The following PAPSS2 variants were observed in gnomAD, a reference collection of about 807,000 sequenced individuals.
PAPSS2 encodes the protein 3'-phosphoadenosine 5'-phosphosulfate synthase 2, also known as bifunctional 3'-phosphoadenosine 5'-phosphosulfate synthase 2.
Under a neutral mutation model 66.5 loss-of-function variants are expected in PAPSS2, and 61 were observed. That is an observed-to-expected ratio of 0.92 (90% confidence interval 0.75 to 1.14). The LOEUF (loss-of-function observed/expected upper bound fraction) is 1.14. Among genes scored for constraint, PAPSS2 ranks in the 50% most tolerant of loss-of-function variants. The probability of loss-of-function intolerance (pLI) is 0.00; values close to 1 mark genes in which losing one functional copy is unlikely to be tolerated. For synonymous variants in PAPSS2, 289 were observed against 287.5 expected (o/e 1.01, Z -0.05); for missense variants, 708 against 789.6 (o/e 0.90, Z 1.24).
At chr10:87,660,209 C>T in intron 1 of PAPSS2, 1 of 632,802 alleles carries the variant, frequency 1.6e-6, no homozygotes, top group Non-Finnish European at 2.8e-6. Context: ...CAGCCCCTCT[C>T]CACCCCGCGA....
rs1487767952 is a variant in PAPSS2 at position 87,744,316 on chromosome 10, T to C, written c.1491+675T>C. Among the ~76,000 whole-genome samples the C allele has an allele frequency of 2.0e-5, 3 of 152,338 alleles. No homozygotes were observed. In the East Asian group the frequency reaches 5.8e-4, roughly 29 times the overall value. ...AAAGGATATCTTTAAAAGATAAATG[T>C]CACCCTTTTATCATAACACAGTGAG... On this transcript the variant is annotated intron_variant, in intron 11 of 12. Coordinates refer to ENST00000456849, the MANE Select transcript of PAPSS2 (RefSeq NM_001015880.2).
chr10:87,672,173 A>G (rs1852886450), intron 1 of PAPSS2, among the ~76,000 whole-genome samples: 1 of 152,222 alleles, frequency 6.6e-6, no homozygotes, highest in African/African-American at 2.4e-5. Context: ...ATGTAACAGT[A>G]GAGACCACTT....
intron 1 of PAPSS2, 103 bp downstream of exon 1, chr10:87,660,111 G>T: frequency 3.3e-6 from 4 of 1,198,960 alleles, no homozygotes; most frequent in Non-Finnish European, 4.9e-6. Context: ...CCCGGGAGGG[G>T]GCGTCGGGAG....
At chr10:87,715,209 A>C in intron 6 of PAPSS2, 111 bp downstream of exon 6, 1 of 718,556 alleles carries the variant, frequency 1.4e-6, no homozygotes, top group Non-Finnish European at 2.5e-6. Context: ...CATAATGTCC[A>C]TAAATAAAAC....
intron 7 of PAPSS2, among the ~76,000 whole-genome samples, chr10:87,717,023 T>C (rs570818069): frequency 9.2e-5 from 14 of 152,286 alleles, no homozygotes; most frequent in African/African-American, 2.9e-4. Flanking sequence ...CATTCATAAG[T>C]GAAAGCCCAA....
chr10:87,693,201 C>T (rs771067798), intron 1 of PAPSS2, among the ~76,000 whole-genome samples: 78 of 152,260 alleles, frequency 5.1e-4, no homozygotes, highest in Non-Finnish European at 1.0e-3. Flanking sequence ...TTAATGGAAT[C>T]ATCAGAATAT....
At chr10:87,704,431 G>A (rs1477156991) in intron 1 of PAPSS2, among the ~76,000 whole-genome samples, 1 of 152,182 alleles carries the variant, frequency 6.6e-6, no homozygotes, top group African/African-American at 2.4e-5. Context: ...TGCCTGTGTG[G>A]AGAAGAAACA....
At chr10:87,706,927 GC>G (rs975527384) in intron 1 of PAPSS2, among the ~76,000 whole-genome samples, 5 of 152,172 alleles carry the variant, frequency 3.3e-5, no homozygotes, top group Non-Finnish European at 7.3e-5. Context: ...CTGGGACTAT[GC>G]CCAGCCACTT....
At chr10:87,667,342 T>C (rs1487473218) in intron 1 of PAPSS2, among the ~76,000 whole-genome samples, 1 of 151,838 alleles carries the variant, frequency 6.6e-6, no homozygotes, top group African/African-American at 2.4e-5. Flanking sequence ...TAGTCCCAGC[T>C]ATCTAGGAGG....
chr10:87,703,777 G>A (rs1172834396), intron 1 of PAPSS2: 1 of 518,768 alleles, frequency 1.9e-6, no homozygotes, highest in Non-Finnish European at 3.8e-6. Context: ...AGAGATTTTT[G>A]CAAAATTGTC....
At chr10:87,718,681 C>G (rs974258941) in intron 7 of PAPSS2, among the ~76,000 whole-genome samples, 4 of 152,210 alleles carry the variant, frequency 2.6e-5, no homozygotes, top group Non-Finnish European at 5.9e-5. Context: ...TGGGTCACTC[C>G]AGCCACCAAA....
At chr10:87,718,627 T>C (rs563585898) in intron 7 of PAPSS2, among the ~76,000 whole-genome samples, 3 of 152,188 alleles carry the variant, frequency 2.0e-5, no homozygotes, top group Non-Finnish European at 4.4e-5. Flanking sequence ...CCACTTGCTG[T>C]GTGATTCTGT....
intron 1 of PAPSS2, among the ~76,000 whole-genome samples, chr10:87,684,428 G>C (rs902316774): frequency 1.3e-5 from 2 of 152,312 alleles, no homozygotes; most frequent in Non-Finnish European, 2.9e-5. Flanking sequence ...TAAGTCTTCA[G>C]GGAGCAGCTC....
rs17124941 is a variant in PAPSS2, at chr10:87,713,205, T to C, written c.276T>C (p.Ser92=). ...GCCTTAACAGAAATCTCGGATTCTC[T>C]CCTGGGGACAGAGAGGAAAATATCC... is the stretch of plus-strand genomic sequence containing the variant. The part of the protein sequence containing the change: ...RHGLNRNLGF[S]PGDREENIRR... Residue 92 remains serine (S), a synonymous_variant, in exon 3 of 13, where the codon TCT becomes TCC. Transcript: ENST00000456849. 3.3e-3 allele frequency: 5,255 copies of C among 1,609,440 alleles called. 111 individuals are homozygous for C. The East Asian group carries it at 0.047, about 14-fold the overall frequency.
chr10:87,729,373 C>G (rs1462833143), intron 9 of PAPSS2, among the ~76,000 whole-genome samples: 2 of 151,766 alleles, frequency 1.3e-5, no homozygotes, highest in Non-Finnish European at 2.9e-5. Flanking sequence ...TTTTAGATTT[C>G]TTCATTATTA....
At chr10:87,743,272 GAATGCACAGAACA>G in intron 10 of PAPSS2, 88 bp from the exon 11 acceptor site, 1 of 1,016,310 alleles carries the variant, frequency 9.8e-7, no homozygotes, top group Non-Finnish European at 1.5e-6. Context: ...AGTGGATAAT[GAATGCACAGAACA>G]ATAAACATAG....
chr10:87,677,362 G>T (rs1852962573), intron 1 of PAPSS2, among the ~76,000 whole-genome samples: 1 of 152,084 alleles, frequency 6.6e-6, no homozygotes, highest in Non-Finnish European at 1.5e-5. Context: ...ATTTTGAAGT[G>T]AATTTGACTG....
intron 1 of PAPSS2, among the ~76,000 whole-genome samples, chr10:87,682,589 C>T (rs1055862845): frequency 2.0e-5 from 3 of 151,466 alleles, no homozygotes; most frequent in Non-Finnish European, 4.4e-5. Flanking sequence ...AGCATGGCAT[C>T]GAAAGAGGTT....
intron 9 of PAPSS2, among the ~76,000 whole-genome samples, chr10:87,729,357 A>G (rs1853700709): frequency 6.6e-6 from 1 of 151,042 alleles, no homozygotes; most frequent in Non-Finnish European, 1.5e-5. Context: ...GGTGATTCTT[A>G]TGATATTTTA....
Sources: allele counts gnomAD v4.1 joint callset (sites outside exome capture counted in the v4.1 genomes callset), GRCh38; gene constraint gnomAD v4.1.1; transcripts MANE v1.5; gene names NCBI Gene and HGNC (gene_info 2026-07-23, HGNC 2026-07-21).